SLAIN1: variants seen among roughly 807,000 people sequenced by gnomAD.
SLAIN1 encodes SLAIN motif-containing protein 1.
SLAIN1 carries 17 observed loss-of-function variants against 55.4 expected under a neutral mutation model. That is an observed-to-expected ratio of 0.31 (90% CI 0.21 to 0.46). SLAIN1 has a LOEUF of 0.46. Ranked by LOEUF, SLAIN1 falls within the 20% of genes least tolerant of loss-of-function variation. SLAIN1 has a pLI of 1.00. For synonymous variants in SLAIN1, 348 were observed against 337.4 expected, an observed-to-expected ratio of 1.03 and a Z score of -0.35; for missense variants, 682 against 785.1, an observed-to-expected ratio of 0.87 and a Z score of 1.57.
chr13:77,714,621 A>T (rs1357407220), intron 1 of SLAIN1, among the ~76,000 whole-genome samples: 5 of 152,276 alleles, frequency 3.3e-5, no homozygotes, highest in Non-Finnish European at 5.9e-5. Flanking sequence ...TCAAAACAGA[A>T]CAAACAAAAC....
chr13:77,731,126 C>A (rs1050271896), intron 2 of SLAIN1, among the ~76,000 whole-genome samples: 1 of 152,020 alleles, frequency 6.6e-6, no homozygotes, highest in Non-Finnish European at 1.5e-5. Context: ...AAGAAAATTT[C>A]TTTGACAGAT....
At position 77,708,107 on chromosome 13, in the gene SLAIN1, A is replaced by T. The variant is rs140392872; in HGVS notation, c.626+9568A>T. On this transcript the variant is annotated intron_variant, in intron 1 of 6. Coordinates refer to ENST00000418532, the MANE Select transcript of SLAIN1 (RefSeq NM_001242868.2). ...ATGAAAGAGAAATCTCCATAAGTGA[A>T]CATGGCATAGTGGGTCACTTAGAAA... Among the ~76,000 whole-genome samples, 11 of 152,362 alleles carry T rather than the reference A, an allele frequency of 7.2e-5. No individual in the cohort carries two copies. The East Asian group carries it at 2.1e-3, about 29-fold the overall frequency.
intron 5 of SLAIN1, among the ~76,000 whole-genome samples, chr13:77,755,402 A>G (rs1319837025): frequency 6.6e-6 from 1 of 152,166 alleles, no homozygotes; most frequent in African/African-American, 2.4e-5. Flanking sequence ...TATAGTAACA[A>G]TTAGGAATTT....
At position 77,698,204 on chromosome 13, in the gene SLAIN1, G is replaced by A. The variant is rs1161149317; in HGVS notation, c.291G>A (p.Gly97=). ...TATAAASGGL[G]LGLALGAGGG... ...CCGCCGCGGCCTCAGGGGGCCTGGG[G>A]CTCGGGCTGGCGCTGGGCGCGGGGG... The change falls in exon 1 of 7, where the codon GGG becomes GGA. Residue 97 remains glycine, a synonymous_variant. Transcript: ENST00000418532. This position sits in a 1 kb window ranked among gnomAD's most constrained non-coding sequence, Gnocchi z 4.1. 4 of 1,239,206 alleles carry A rather than the reference G, an allele frequency of 3.2e-6. 1 individual carries two copies. In the Admixed American group the frequency reaches 1.7e-4, roughly 53 times the overall value. 76.8% of individuals were successfully genotyped at this position (1,239,206 alleles called of 1,614,324 possible).
chr13:77,743,020 C>T (rs1202872376), intron 2 of SLAIN1: 2 of 1,289,380 alleles, frequency 1.6e-6, no homozygotes. Flanking sequence ...TGACAGCTAG[C>T]CGATGGCGGA....
intron 1 of SLAIN1, among the ~76,000 whole-genome samples, chr13:77,713,665 TAC>T (rs2154409534): frequency 6.6e-6 from 1 of 152,288 alleles, no homozygotes; most frequent in Admixed American, 6.5e-5. Context: ...GCCATCCCAT[TAC>T]TGGGTATATA....
In SLAIN1 at chr13:77,746,535, C is replaced by G. The variant is rs769409203; in HGVS notation, c.938C>G (p.Ser313Cys). The part of the protein sequence containing the change: ...QEESLRQDYA[S>C]TSASVSRHSS... ...ATAGGTCTCAGGCAAGATTATGCTT[C>G]TACTTCAGCATCTGTATCAAGACAT... The change falls in exon 4 of 7, where the codon TCT (serine) becomes TGT (cysteine). Residue 313 changes from serine to cysteine, a missense_variant. By Grantham distance (112) the Ser-to-Cys change is moderately radical. Transcript: ENST00000418532. 2 of 1,607,138 alleles carry G rather than the reference C, an allele frequency of 1.2e-6. No homozygotes were observed. The highest frequency in any genetic ancestry group is 2.2e-5 in the East Asian group (1 of 44,742).
chr13:77,698,959 G>C lies in SLAIN1; in HGVS notation c.626+420G>C, dbSNP rs746482393. ...TTGGCCTCTGTCTGCGACTGTTACT[G>C]TTCTTTCGTTTTAAACGAACGCTGG... On this transcript the variant is annotated intron_variant, in intron 1 of 6. Coordinates refer to ENST00000418532, the MANE Select transcript of SLAIN1 (RefSeq NM_001242868.2). This position sits in a 1 kb window ranked among gnomAD's most constrained non-coding sequence, Gnocchi z 4.1. The C allele has an allele frequency of 1.0e-5, 16 of 1,534,214 alleles. No individual in the cohort carries two copies. Among genetic ancestry groups the C allele is most frequent in the Non-Finnish European group, 1.4e-5 (16 of 1,146,786 alleles).
At chr13:77,743,305 A>G in intron 2 of SLAIN1, 1 of 576,994 alleles carries the variant, frequency 1.7e-6, no homozygotes, top group Non-Finnish European at 2.6e-6. Flanking sequence ...CTTTGGGTAC[A>G]AAAGGCCTAG....
intron 5 of SLAIN1, among the ~76,000 whole-genome samples, chr13:77,754,444 G>A (rs1344858127): frequency 6.6e-6 from 1 of 152,148 alleles, no homozygotes; most frequent in African/African-American, 2.4e-5. Context: ...AGTTCTGATA[G>A]GTTAAGGAAC....
intron 4 of SLAIN1, 107 bp downstream of exon 4, chr13:77,746,962 T>C (rs1873872547): frequency 2.9e-6 from 3 of 1,019,916 alleles, no homozygotes; most frequent in Non-Finnish European, 4.2e-6. Flanking sequence ...AATCTGTCTC[T>C]GTCTCCTAGG....
chr13:77,728,719 C>T (rs2091330272), intron 2 of SLAIN1, among the ~76,000 whole-genome samples: 1 of 152,024 alleles, frequency 6.6e-6, no homozygotes, highest in Admixed American at 6.6e-5. Flanking sequence ...TGCGAGTGAC[C>T]CTTTCTTTTG....
chr13:77,754,591 C>T (rs969039502), intron 5 of SLAIN1, among the ~76,000 whole-genome samples: 8 of 152,248 alleles, frequency 5.3e-5, no homozygotes, highest in Non-Finnish European at 1.0e-4. Context: ...TTTCCTTCTT[C>T]GTTCAGTTTA....
In SLAIN1 at chr13:77,698,782, C is replaced by G; in HGVS notation, c.626+243C>G. ...ACTGCGGATGAACCGGCCCCCCCTTCCCCCCATCTGCCATGGGTTCTGCTA... is the reference window on the plus strand; with the variant it reads ...ACTGCGGATGAACCGGCCCCCCCTTGCCCCCATCTGCCATGGGTTCTGCTA... On this transcript the variant is annotated intron_variant, in intron 1 of 6. Transcript: ENST00000418532. The surrounding 1 kb of genome is among the most constrained non-coding windows in gnomAD (Gnocchi z 4.1). 1.6e-6 allele frequency: 2 copies of G among 1,230,412 alleles called. No individual in the cohort carries two copies. The highest frequency in any genetic ancestry group is 3.5e-5 in the South Asian group (2 of 56,730). The allele number at this position is 1,230,412 out of a possible 1,614,324, so 76.2% of individuals were successfully genotyped here. A position where few individuals can be genotyped will look rare whatever the true frequency, so the allele number is the denominator to read the frequency against.
chr13:77,715,008 C>T (rs1462957488), intron 1 of SLAIN1, among the ~76,000 whole-genome samples: 1 of 152,116 alleles, frequency 6.6e-6, no homozygotes, highest in Non-Finnish European at 1.5e-5. Context: ...GCTGGGATTA[C>T]AGGTGCATGC....
At chr13:77,729,780 A>G (rs536895174) in intron 2 of SLAIN1, among the ~76,000 whole-genome samples, 40 of 152,306 alleles carry the variant, frequency 2.6e-4, no homozygotes, top group Non-Finnish European at 4.9e-4. Context: ...TTCCTGTCCC[A>G]TAAAAGAAGC....
At chr13:77,760,795 G>T (rs1253056889) in intron 5 of SLAIN1, 33 bp from the exon 6 acceptor site, 3 of 1,605,864 alleles carry the variant, frequency 1.9e-6, no homozygotes, top group Non-Finnish European at 2.6e-6. Context: ...AGTGGTAGAA[G>T]GTTGCTCACA....
At chr13:77,709,583 G>C (rs2091125988) in intron 1 of SLAIN1, among the ~76,000 whole-genome samples, 1 of 152,210 alleles carries the variant, frequency 6.6e-6, no homozygotes, top group African/African-American at 2.4e-5. Flanking sequence ...AGCCAGAAGA[G>C]AGTGGGGGCC....
chr13:77,745,146 A>C (rs1210114031), intron 3 of SLAIN1, among the ~76,000 whole-genome samples: 1 of 151,996 alleles, frequency 6.6e-6, no homozygotes, highest in East Asian at 1.9e-4. Context: ...GGATTTTTGC[A>C]GTGTTGGTAC....
Sources: gnomAD v4.1 joint callset for allele counts (sites outside exome capture counted in the v4.1 genomes callset) on GRCh38, gnomAD v4.1.1 for gene constraint, Gnocchi (gnomAD v3.1) non-coding constraint, MANE v1.5 for transcripts, NCBI Gene and HGNC (gene_info 2026-07-23, HGNC 2026-07-21) for gene names.